The following OLFML1 variants were observed in gnomAD, a reference collection of about 807,000 sequenced individuals.
The protein encoded by OLFML1 is olfactomedin-like protein 1.
OLFML1 carries 33 observed loss-of-function variants against 37.3 expected under a neutral mutation model. The ratio of observed to expected loss-of-function variants is 0.88; its 90% confidence interval spans 0.67 to 1.18. OLFML1 has a LOEUF of 1.18. OLFML1 is among the 50% of genes most tolerant of loss of function. The pLI, the probability that OLFML1 is intolerant of heterozygous loss-of-function variation, is 0.00. For synonymous variants in OLFML1, 186 were observed against 181.3 expected (o/e 1.03, Z -0.21); for missense variants, 545 against 483.7 (o/e 1.13, Z -1.19).
Position 7,509,427 on chromosome 11 carries a change from T to C in OLFML1, c.448T>C (p.Ser150Pro), listed in dbSNP as rs756534466. 6.2e-7 allele frequency: 1 copy of C among 1,612,906 alleles called. No homozygotes were observed. The highest frequency in any genetic ancestry group is 8.5e-7 in the Non-Finnish European group (1 of 1,179,384). ...TGACAACATGCTGATGGGCATAAAGTCTTTGAAAATAGTGAAGAAGATGAT... is the reference window on the plus strand; with the variant it reads ...TGACAACATGCTGATGGGCATAAAGCCTTTGAAAATAGTGAAGAAGATGAT... Reference protein sequence around the residue: ...SCDNMLMGIKSLKIVKKMMDT... With the variant: ...SCDNMLMGIKPLKIVKKMMDT... The change falls in exon 3 of 3, where the codon TCT becomes CCT. Residue 150 changes from serine to proline, a missense_variant. Physicochemically the swap from Ser to Pro is moderately conservative, Grantham distance 74. Transcript: ENST00000329293.
At chr11:7,507,828 TG>T (rs1432280243) in intron 2 of OLFML1, among the ~76,000 whole-genome samples, 1 of 152,216 alleles carries the variant, frequency 6.6e-6, no homozygotes, top group Non-Finnish European at 1.5e-5. Flanking sequence ...ATTACAGGTG[TG>T]AGCCACCACG....
At chr11:7,500,180 G>A (rs1262530438) in intron 2 of OLFML1, among the ~76,000 whole-genome samples, 3 of 152,206 alleles carry the variant, frequency 2.0e-5, no homozygotes, top group Non-Finnish European at 2.9e-5. Flanking sequence ...GGCATGAGCC[G>A]CTGTGCCCAG....
intron 2 of OLFML1, among the ~76,000 whole-genome samples, chr11:7,506,577 C>T (rs1194667244): frequency 6.6e-6 from 1 of 152,046 alleles, no homozygotes. Context: ...CCATGAAGAC[C>T]AGTATGGTAT....
rs763472542 is a variant in OLFML1 at position 7,509,873 on chromosome 11, G to A, written c.894G>A (p.Glu298=). The change falls in exon 3 of 3, where the codon GAG becomes GAA. Residue 298 remains glutamate (E), a synonymous_variant. Transcript: ENST00000329293. ...THSHLVLTKI[E]PGTLGVEHSW... ...GCCATTTGGTTCTCACAAAGATTGA[G>A]CCGGGCACACTGGGAGTGGAGCATT... 2.5e-6 allele frequency: 4 copies of A among 1,614,242 alleles called. No individual in the cohort carries two copies. In the South Asian group the frequency reaches 4.4e-5, roughly 18 times the overall value.
intron 2 of OLFML1, among the ~76,000 whole-genome samples, chr11:7,496,872 G>A (rs1314216978): frequency 6.6e-6 from 1 of 152,124 alleles, no homozygotes; most frequent in Non-Finnish European, 1.5e-5. Context: ...GGGCAACAAA[G>A]CAAGACACCA....
chr11:7,510,013 A>T lies in OLFML1; in HGVS notation c.1034A>T (p.Tyr345Phe). 6.2e-7 allele frequency: 1 copy of T among 1,614,240 alleles called. No individual in the cohort carries two copies. Among genetic ancestry groups the T allele is most frequent in the Non-Finnish European group, 8.5e-7 (1 of 1,180,044 alleles). ...GGCCCTCATCGCATCACCTGCATCT[A>T]TGATCCACTGGGCACTATCAGTGAG... Reference protein sequence around the residue: ...GQGPHRITCIYDPLGTISEED... With the variant: ...GQGPHRITCIFDPLGTISEED... The change falls in exon 3 of 3, where the codon TAT (tyrosine) becomes TTT (phenylalanine). Residue 345 changes from tyrosine (Y) to phenylalanine (F), a missense_variant. Transcript: ENST00000329293.
chr11:7,503,948 G>A (rs1848752387), intron 2 of OLFML1, among the ~76,000 whole-genome samples: 1 of 152,164 alleles, frequency 6.6e-6, no homozygotes, highest in African/African-American at 2.4e-5. Context: ...GAATGAAACA[G>A]ATAAGACAAA....
intron 2 of OLFML1, among the ~76,000 whole-genome samples, chr11:7,497,806 C>T (rs556410345): frequency 2.6e-5 from 4 of 152,322 alleles, no homozygotes; most frequent in Admixed American, 2.0e-4. Context: ...GTGTAATTCA[C>T]TAAAACCAAC....
intron 2 of OLFML1, among the ~76,000 whole-genome samples, chr11:7,506,158 G>A (rs1176298127): frequency 6.6e-6 from 1 of 152,118 alleles, no homozygotes; most frequent in African/African-American, 2.4e-5. Flanking sequence ...ACTAGAAAAA[G>A]GTGCCTAGTT....
At position 7,488,376 on chromosome 11, in the gene OLFML1, G is replaced by A. The variant is rs761978309; in HGVS notation, c.379G>A (p.Ala127Thr). ...KTLAEMLLQEAEEEKKIRTLL... is the reference protein window; with the variant it reads ...KTLAEMLLQETEEEKKIRTLL... ...ACTGGCAGAAATGTTGCTCCAAGAAGCTGAAGAAGAGAAAAAGATCCGGAC... is the reference window on the plus strand; with the variant it reads ...ACTGGCAGAAATGTTGCTCCAAGAAACTGAAGAAGAGAAAAAGATCCGGAC... The change falls in exon 2 of 3, where the codon GCT becomes ACT. Residue 127 changes from alanine to threonine, a missense_variant. By Grantham distance (58) the Ala-to-Thr change is moderately conservative. Transcript: ENST00000329293. 1 of 1,613,986 alleles carries A rather than the reference G, an allele frequency of 6.2e-7. No individual in the cohort carries two copies. Among genetic ancestry groups the A allele is most frequent in the East Asian group, 2.2e-5 (1 of 44,872 alleles).
intron 2 of OLFML1, among the ~76,000 whole-genome samples, chr11:7,491,958 C>T (rs1453175403): frequency 4.6e-5 from 7 of 152,210 alleles, no homozygotes; most frequent in Admixed American, 2.6e-4. Flanking sequence ...CTATTGATAA[C>T]TTCAAAATCA....
At position 7,489,469 on chromosome 11, in the gene OLFML1, G is replaced by A. The variant is rs562182302; in HGVS notation, c.418+1054G>A. 2.6e-5 allele frequency among the ~76,000 whole-genome samples: 4 copies of A among 152,054 alleles called. No homozygotes were observed. In the South Asian group the frequency reaches 8.3e-4, roughly 32 times the overall value. On this transcript the variant is annotated intron_variant, in intron 2 of 2. Coordinates refer to ENST00000329293, the MANE Select transcript of OLFML1 (RefSeq NM_198474.4). ...GACAGTAGGGAAACTAGGTTGAAGAGCTCAGCAGGACCCAGTTAATGAGAG... is the reference window on the plus strand; with the variant it reads ...GACAGTAGGGAAACTAGGTTGAAGAACTCAGCAGGACCCAGTTAATGAGAG...
chr11:7,486,212 C>G (rs1848521435), intron 1 of OLFML1, among the ~76,000 whole-genome samples: 1 of 152,192 alleles, frequency 6.6e-6, no homozygotes, highest in Non-Finnish European at 1.5e-5. Flanking sequence ...AGCACAGTTG[C>G]ACTTTGTGCT....
chr11:7,498,382 T>G (rs892479761), intron 2 of OLFML1, among the ~76,000 whole-genome samples: 1 of 152,170 alleles, frequency 6.6e-6, no homozygotes, highest in Non-Finnish European at 1.5e-5. Flanking sequence ...GTTTGGTGAC[T>G]AGTGACTAGT....
At position 7,509,588 on chromosome 11, in the gene OLFML1, TC is replaced by T; in HGVS notation, c.613del (p.Arg205GlyfsTer5). 3 of 1,614,140 alleles carry T rather than the reference TC, an allele frequency of 1.9e-6. No homozygotes were observed. Among genetic ancestry groups the T allele is most frequent in the Non-Finnish European group, 2.5e-6 (3 of 1,180,032 alleles). On this transcript the variant is annotated frameshift_variant, in exon 3 of 3. Coordinates refer to ENST00000329293, the MANE Select transcript of OLFML1 (RefSeq NM_198474.4). LOFTEE classifies it high-confidence loss of function. ...AFMEDNTKPAPRKQILTLSWQ... is the reference protein window; with the variant it reads ...AFMEDNTKPAXRKQILTLSWQ... ...TCATGGAGGATAACACCAAGCCAGC[TC>T]CCCGGAAGCAAATCCTAACACTTTC... is the stretch of plus-strand genomic sequence containing the variant.
intron 2 of OLFML1, among the ~76,000 whole-genome samples, chr11:7,495,537 C>G (rs1287114600): frequency 6.6e-6 from 1 of 152,238 alleles, no homozygotes; most frequent in African/African-American, 2.4e-5. Flanking sequence ...GAGTATCCCT[C>G]AGCATCTCGT....
At chr11:7,508,639 G>C (rs899113958) in intron 2 of OLFML1, among the ~76,000 whole-genome samples, 1 of 152,062 alleles carries the variant, frequency 6.6e-6, no homozygotes, top group Admixed American at 6.6e-5. Context: ...TCATTATCTT[G>C]CTCCTTGTAG....
intron 2 of OLFML1, among the ~76,000 whole-genome samples, chr11:7,505,353 A>G (rs954849126): frequency 3.3e-5 from 5 of 152,114 alleles, no homozygotes; most frequent in Non-Finnish European, 7.4e-5. Flanking sequence ...CCAGAAGTCA[A>G]TGAGGGAGGC....
At chr11:7,489,878 T>G (rs1848574600) in intron 2 of OLFML1, among the ~76,000 whole-genome samples, 1 of 152,096 alleles carries the variant, frequency 6.6e-6, no homozygotes, top group Non-Finnish European at 1.5e-5. Flanking sequence ...CTCTATAATT[T>G]TTTTCAGACC....
Sources: allele counts gnomAD v4.1 joint callset (sites outside exome capture counted in the v4.1 genomes callset), GRCh38; gene constraint gnomAD v4.1.1; transcripts MANE v1.5; gene names NCBI Gene and HGNC (gene_info 2026-07-23, HGNC 2026-07-21).